Variants in EFCAB7 observed in about 807,000 individuals in gnomAD.
The protein encoded by EFCAB7 is EF-hand calcium binding domain 7.
Under a neutral mutation model 77.1 loss-of-function variants are expected in EFCAB7, and 66 were observed. The observed-to-expected ratio is 0.86, with a 90% CI of 0.70 to 1.05. The LOEUF (loss-of-function observed/expected upper bound fraction) is 1.05. Among genes scored for constraint, EFCAB7 ranks in the 50% least tolerant of loss-of-function variants. The pLI is 0.00. For synonymous variants in EFCAB7, 225 were observed against 243.3 expected, an observed-to-expected ratio of 0.92 and a Z score of 0.70; for missense variants, 638 against 730.5, an observed-to-expected ratio of 0.87 and a Z score of 1.46.
downstream of EFCAB7, among the ~76,000 whole-genome samples, chr1:63,575,311 T>A (rs138460058): frequency 3.1e-3 from 475 of 152,152 alleles, no homozygotes; most frequent in African/African-American, 0.011. Flanking sequence ...GACTTTTTTT[T>A]AAAAAAGTCA....
intron 6 of EFCAB7, among the ~76,000 whole-genome samples, chr1:63,544,189 TG>T (rs1351471261): frequency 6.6e-6 from 1 of 151,998 alleles, no homozygotes; most frequent in Admixed American, 6.6e-5. Context: ...AGTCTGGTCT[TG>T]AAATTCTGAC....
intron 6 of EFCAB7, among the ~76,000 whole-genome samples, chr1:63,539,066 A>G (rs866219488): frequency 9.8e-5 from 15 of 152,308 alleles, no homozygotes; most frequent in African/African-American, 3.6e-4. Flanking sequence ...TAGACATGGT[A>G]CTTAGGAAAG....
chr1:63,573,789 C>A (rs902098590), downstream of EFCAB7, among the ~76,000 whole-genome samples: 2 of 152,156 alleles, frequency 1.3e-5, no homozygotes. Flanking sequence ...ATTCCCAGGA[C>A]AGGCCTGAAT....
downstream of EFCAB7, among the ~76,000 whole-genome samples, chr1:63,572,885 C>T (rs139862944): frequency 1.1e-3 from 169 of 152,036 alleles, no homozygotes; most frequent in East Asian, 0.013. Context: ...TGTTCTCTGG[C>T]GGGCAGGGGC....
intron 10 of EFCAB7, among the ~76,000 whole-genome samples, chr1:63,558,451 A>G (rs1020960207): frequency 6.6e-6 from 1 of 152,206 alleles, no homozygotes; most frequent in African/African-American, 2.4e-5. Flanking sequence ...AAATCAGGAA[A>G]TAGAATTAGA....
chr1:63,566,331 C>T (rs966792700), intron 11 of EFCAB7, among the ~76,000 whole-genome samples: 6 of 152,164 alleles, frequency 3.9e-5, no homozygotes, highest in African/African-American at 1.4e-4. Flanking sequence ...GAACAACACA[C>T]ACTAGAGCCT....
At chr1:63,560,535 G>A (rs1168515294) in intron 10 of EFCAB7, among the ~76,000 whole-genome samples, 1 of 42,350 alleles carries the variant, frequency 2.4e-5, no homozygotes, top group Admixed American at 2.3e-4. Flanking sequence ...TTTTTTTTTT[G>A]AGACTGAGTC....
intron 6 of EFCAB7, among the ~76,000 whole-genome samples, chr1:63,538,676 T>A (rs1260431218): frequency 6.6e-6 from 1 of 152,140 alleles, no homozygotes; most frequent in African/African-American, 2.4e-5. Flanking sequence ...GGTCTTGAAC[T>A]CCTGACCTCG....
intron 6 of EFCAB7, among the ~76,000 whole-genome samples, chr1:63,537,164 G>A (rs1307364276): frequency 6.6e-6 from 1 of 152,108 alleles, no homozygotes; most frequent in African/African-American, 2.4e-5. Flanking sequence ...TTAAAATCCC[G>A]AATTCTATCC....
At chr1:63,545,880 A>G (rs770245867) in intron 6 of EFCAB7, 36 bp from the exon 7 acceptor site, 1 of 1,582,098 alleles carries the variant, frequency 6.3e-7, no homozygotes, top group South Asian at 1.1e-5. Context: ...AACATTTAAT[A>G]AATATTGTTT....
chr1:63,533,682 C>T, intron 5 of EFCAB7, 33 bp downstream of exon 5: 1 of 1,461,368 alleles, frequency 6.8e-7, no homozygotes, highest in Non-Finnish European at 9.3e-7. Context: ...ATTTCTTGAT[C>T]AGAAATGAAG....
chr1:63,555,750 T>A (rs949363337), intron 9 of EFCAB7, among the ~76,000 whole-genome samples: 7 of 151,888 alleles, frequency 4.6e-5, no homozygotes, highest in African/African-American at 1.2e-4. Context: ...TTTTTTTTTT[T>A]AAATAGAGAC....
chr1:63,534,683 G>T (rs1646742654), intron 6 of EFCAB7, among the ~76,000 whole-genome samples: 1 of 151,936 alleles, frequency 6.6e-6, no homozygotes, highest in African/African-American at 2.4e-5. Flanking sequence ...GAAAATAATA[G>T]TTACAGAAAT....
intron 8 of EFCAB7, among the ~76,000 whole-genome samples, chr1:63,552,071 G>A (rs1228990544): frequency 6.6e-6 from 1 of 151,876 alleles, no homozygotes; most frequent in East Asian, 1.9e-4. Flanking sequence ...AAGGATGGGA[G>A]GAGCTGGGCA....
intron 13 of EFCAB7, among the ~76,000 whole-genome samples, chr1:63,571,555 T>C (rs217467): frequency 0.61 from 91,465 of 150,916 alleles, 29,417 homozygotes; most frequent in African/African-American, 0.82. Context: ...CGCCTGTAAT[T>C]CCAGCTACTC....
intron 6 of EFCAB7, among the ~76,000 whole-genome samples, chr1:63,540,837 A>C (rs1646820641): frequency 6.7e-6 from 1 of 148,314 alleles, no homozygotes; most frequent in African/African-American, 2.5e-5. Flanking sequence ...TCAGTTTATA[A>C]TGATAAAATC....
At chr1:63,531,162 C>T (rs1335836583) in intron 2 of EFCAB7, among the ~76,000 whole-genome samples, 1 of 152,074 alleles carries the variant, frequency 6.6e-6, no homozygotes, top group East Asian at 1.9e-4. Context: ...CTCCCCTACC[C>T]CCAGAGTACT....
intron 8 of EFCAB7, 135 bp from the exon 9 acceptor site, chr1:63,555,223 T>C: frequency 9.9e-7 from 1 of 1,009,516 alleles, no homozygotes; most frequent in Non-Finnish European, 1.4e-6. Context: ...CTGATAGGAC[T>C]ATAATAGAAT....
chr1:63,531,046 G>C (rs1054905252), intron 2 of EFCAB7, among the ~76,000 whole-genome samples: 2 of 152,000 alleles, frequency 1.3e-5, no homozygotes, highest in Non-Finnish European at 2.9e-5. Context: ...GTAATATACA[G>C]TACCTTAATG....
Sources: gnomAD v4.1 joint callset for allele counts (sites outside exome capture counted in the v4.1 genomes callset) on GRCh38, gnomAD v4.1.1 for gene constraint, MANE v1.5 for transcripts, NCBI Gene and HGNC (gene_info 2026-07-23, HGNC 2026-07-21) for gene names.